Variants in SIPA1L1 observed in about 807,000 individuals in gnomAD.
SIPA1L1 encodes signal induced proliferation associated 1 like 1.
In SIPA1L1, 26 loss-of-function variants were observed where a neutral mutation model predicts 162.7. The observed-to-expected ratio is 0.16, with a 90% CI of 0.12 to 0.22. The LOEUF (loss-of-function observed/expected upper bound fraction) is 0.22, where lower values mean the gene tolerates loss of function less well. SIPA1L1 is among the 10% of genes least tolerant of loss of function. SIPA1L1 has a pLI of 1.00. For missense variants in SIPA1L1, 1,874 were observed against 2,241.0 expected (o/e 0.84, Z 3.31); for synonymous variants, 829 against 837.4 (o/e 0.99, Z 0.17).
chr14:71,530,314 A>C (rs2053302025), intron 4 of SIPA1L1, among the ~76,000 whole-genome samples: 2 of 152,160 alleles, frequency 1.3e-5, no homozygotes, highest in Admixed American at 1.3e-4. Context: ...CATGAGAATA[A>C]AATATATCAC....
chr14:71,500,567 A>G (rs1432864353), intron 2 of SIPA1L1, among the ~76,000 whole-genome samples: 10 of 152,244 alleles, frequency 6.6e-5, no homozygotes, highest in Non-Finnish European at 1.3e-4. Context: ...TAAAATTGCT[A>G]GAACTTTTGA....
intron 2 of SIPA1L1, 171 bp downstream of exon 2, chr14:71,321,352 G>C (rs1197015416): frequency 6.6e-6 from 1 of 152,360 alleles, no homozygotes; most frequent in Non-Finnish European, 1.5e-5. Context: ...TAGCCCGGCG[G>C]GGGCGAGTCC....
intron 2 of SIPA1L1, among the ~76,000 whole-genome samples, chr14:71,457,614 A>G (rs2046282436): frequency 7.1e-6 from 1 of 141,138 alleles, no homozygotes; most frequent in Non-Finnish European, 1.5e-5. Flanking sequence ...TTTTTTTTAG[A>G]CGGAATTTCG....
At chr14:71,476,926 G>A (rs1040098761) in intron 2 of SIPA1L1, among the ~76,000 whole-genome samples, 7 of 151,964 alleles carry the variant, frequency 4.6e-5, no homozygotes, top group Admixed American at 3.9e-4. Flanking sequence ...ATAGACTTGT[G>A]TAACTACCCC....
At chr14:71,574,588 A>G (rs1214790894) in intron 4 of SIPA1L1, 1 of 152,244 alleles carries the variant, frequency 6.6e-6, no homozygotes, top group Non-Finnish European at 1.5e-5. Flanking sequence ...TTGAATAGGC[A>G]AAGTGATCAG....
intron 2 of SIPA1L1, among the ~76,000 whole-genome samples, chr14:71,414,884 A>G (rs2042649876): frequency 6.6e-6 from 1 of 152,184 alleles, no homozygotes; most frequent in African/African-American, 2.4e-5. Context: ...ATTTTAAACA[A>G]TTACAAAAGG....
rs186654634 is a variant in SIPA1L1 at position 71,736,568 on chromosome 14, A to G, written c.5123+1177A>G. On this transcript the variant is annotated intron_variant, in intron 22 of 23. Transcript: ENST00000381232. ...CTGCAAGGAAGTGCTCTCAACGAGA[A>G]GGCACAAGAATAGGGGATCATTTGT... is the stretch of plus-strand genomic sequence containing the variant. Among the ~76,000 whole-genome samples, 13 of 152,316 alleles carry G rather than the reference A, an allele frequency of 8.5e-5. No individual in the cohort carries two copies. The East Asian group carries it at 1.9e-3, about 23-fold the overall frequency.
intron 2 of SIPA1L1, among the ~76,000 whole-genome samples, chr14:71,451,437 C>T (rs2141549937): frequency 6.6e-6 from 1 of 151,856 alleles, no homozygotes; most frequent in African/African-American, 2.4e-5. Flanking sequence ...GGTTCAAAAC[C>T]AGCCTGGGCC....
At chr14:71,707,190 A>G (rs2082515999) in intron 16 of SIPA1L1, among the ~76,000 whole-genome samples, 1 of 151,978 alleles carries the variant, frequency 6.6e-6, no homozygotes, top group Non-Finnish European at 1.5e-5. Flanking sequence ...ATCTCCAGCA[A>G]TCATCTAGAC....
intron 19 of SIPA1L1, among the ~76,000 whole-genome samples, chr14:71,728,184 G>A (rs1215232281): frequency 6.6e-6 from 1 of 152,192 alleles, no homozygotes. Context: ...TGGCAGGCAG[G>A]AGCCTTATGT....
chr14:71,394,113 G>C (rs2040992803), intron 2 of SIPA1L1, among the ~76,000 whole-genome samples: 1 of 152,218 alleles, frequency 6.6e-6, no homozygotes, highest in South Asian at 2.1e-4. Context: ...AAGGGCGGAG[G>C]AAGGTGTTGA....
chr14:71,679,024 C>A (rs983050705), intron 12 of SIPA1L1, among the ~76,000 whole-genome samples: 1 of 152,120 alleles, frequency 6.6e-6, no homozygotes, highest in South Asian at 2.1e-4. Flanking sequence ...AGGATATTAT[C>A]CTGGAGAACT....
chr14:71,529,128 A>C (rs186238900), intron 3 of SIPA1L1, among the ~76,000 whole-genome samples, 184 bp from the exon 4 acceptor site: 208 of 152,196 alleles, frequency 1.4e-3, no homozygotes, highest in Non-Finnish European at 2.5e-3. Context: ...AAAAAAAAGA[A>C]AGAAATATGA....
chr14:71,636,579 C>T (rs1296329221), intron 7 of SIPA1L1, among the ~76,000 whole-genome samples: 1 of 152,016 alleles, frequency 6.6e-6, no homozygotes, highest in Admixed American at 6.6e-5. Flanking sequence ...TGAAATGCTG[C>T]GTTAGAAAAG....
chr14:71,621,706 G>A (rs2039466784), intron 6 of SIPA1L1, among the ~76,000 whole-genome samples: 1 of 152,216 alleles, frequency 6.6e-6, no homozygotes, highest in South Asian at 2.1e-4. Flanking sequence ...AGGAGGGTGG[G>A]GGCTTCTGTC....
intron 2 of SIPA1L1, among the ~76,000 whole-genome samples, chr14:71,434,486 T>C (rs1426168824): frequency 2.0e-5 from 3 of 152,236 alleles, no homozygotes; most frequent in Middle Eastern, 3.2e-3. Context: ...ACTATATAAA[T>C]TTTATTCAGA....
At chr14:71,480,575 AACAT>A (rs935591381) in intron 2 of SIPA1L1, among the ~76,000 whole-genome samples, 1 of 151,814 alleles carries the variant, frequency 6.6e-6, no homozygotes, top group Non-Finnish European at 1.5e-5. Flanking sequence ...CAGCCTGGCC[AACAT>A]GGTGAGACCC....
At chr14:71,387,699 T>TAGAG (rs2040448330) in intron 2 of SIPA1L1, among the ~76,000 whole-genome samples, 2 of 152,244 alleles carry the variant, frequency 1.3e-5, no homozygotes, top group South Asian at 4.1e-4. Flanking sequence ...AGTTGTTTTC[T>TAGAG]AGCAGGAATG....
intron 2 of SIPA1L1, among the ~76,000 whole-genome samples, chr14:71,471,492 G>C (rs1305789768): frequency 6.6e-6 from 1 of 152,188 alleles, no homozygotes; most frequent in East Asian, 1.9e-4. Context: ...GTGAGTTAAG[G>C]ACTTGCTGTG....
Sources: allele counts gnomAD v4.1 joint callset (sites outside exome capture counted in the v4.1 genomes callset), GRCh38; gene constraint gnomAD v4.1.1; transcripts MANE v1.5; gene names NCBI Gene and HGNC (gene_info 2026-07-23, HGNC 2026-07-21).